The following KANK1 variants were observed in gnomAD, a reference collection of about 807,000 sequenced individuals.
The protein encoded by KANK1 is KN motif and ankyrin repeat domains 1.
KANK1 carries 109 observed loss-of-function variants against 106.2 expected under a neutral mutation model. The observed-to-expected ratio is 1.03, with a 90% CI of 0.88 to 1.20. KANK1 has a LOEUF of 1.20. KANK1 is among the 50% of genes most tolerant of loss of function. The pLI is 0.00. For missense variants in KANK1, 2,399 were observed against 1,710.7 expected (o/e 1.40, Z -7.10); for synonymous variants, 873 against 652.2 (o/e 1.34, Z -5.16).
rs1554723182 is a variant in KANK1 at position 504,772 on chromosome 9, G to GCCGCGCCGCGCC, written c.-84+21_-84+22insCGCCGCGCCCCG. On this transcript the variant is annotated intron_variant, in intron 1 of 11. Transcript: ENST00000382297. The stretch of plus-strand genomic sequence containing the variant: ...GGCCGAAGGTGAGTGACGCGGCGGG[G>GCCGCGCCGCGCC]CCGTGCCGCGCCCCGTGCCGCGGCG... 5.4e-5 allele frequency: 8 copies of GCCGCGCCGCGCC among 148,290 alleles called. No homozygotes were observed. Among genetic ancestry groups the GCCGCGCCGCGCC allele is most frequent in the African/African-American group, 1.7e-4 (7 of 40,228 alleles). The allele number at this position is 148,290 out of a possible 1,614,324, so 9.2% of individuals were successfully genotyped here.
chr9:535,277 T>C (rs1235804059), intron 1 of KANK1, among the ~76,000 whole-genome samples: 1 of 152,188 alleles, frequency 6.6e-6, no homozygotes, highest in Non-Finnish European at 1.5e-5. Context: ...TGTATGTGGC[T>C]TCTTGAGGAT....
chr9:584,902 C>A (rs1823069957), intron 1 of KANK1, among the ~76,000 whole-genome samples: 1 of 152,200 alleles, frequency 6.6e-6, no homozygotes. Flanking sequence ...GAAGTCTCTG[C>A]TTGTTTCCGT....
intron 1 of KANK1, among the ~76,000 whole-genome samples, chr9:535,268 G>A (rs2060244568): frequency 1.3e-5 from 2 of 152,106 alleles, no homozygotes; most frequent in Non-Finnish European, 2.9e-5. Context: ...TGCCTTTGAT[G>A]TATGTGGCTT....
chr9:595,008 C>T (rs189763745), intron 1 of KANK1, among the ~76,000 whole-genome samples: 34 of 151,798 alleles, frequency 2.2e-4, no homozygotes, highest in Admixed American at 7.2e-4. Context: ...TTATTCAGAA[C>T]GCAGATTCGA....
At chr9:733,492 G>T (rs1156888142) in intron 6 of KANK1, 1 of 152,102 alleles carries the variant, frequency 6.6e-6, no homozygotes, top group East Asian at 1.9e-4. Context: ...ACCAAATGTG[G>T]GTTCAGATGT....
chr9:732,291 C>CA, intron 5 of KANK1, 87 bp from the exon 6 acceptor site: 2 of 1,470,836 alleles, frequency 1.4e-6, no homozygotes, highest in Non-Finnish European at 1.8e-6. Flanking sequence ...TTTCTGGAGT[C>CA]AATTAGCAAA....
intron 1 of KANK1, among the ~76,000 whole-genome samples, chr9:633,810 A>C (rs1836405986): frequency 6.6e-6 from 1 of 152,050 alleles, no homozygotes; most frequent in Admixed American, 6.5e-5. Context: ...ATGCCACCAC[A>C]CCTGGCTAAG....
At chr9:577,654 A>G (rs991871257) in intron 1 of KANK1, among the ~76,000 whole-genome samples, 10 of 152,160 alleles carry the variant, frequency 6.6e-5, no homozygotes, top group African/African-American at 2.2e-4. Flanking sequence ...CTTGACCAGA[A>G]ACAGCATCAC....
intron 1 of KANK1, among the ~76,000 whole-genome samples, chr9:582,516 C>T (rs541619711): frequency 6.6e-6 from 1 of 152,300 alleles, no homozygotes; most frequent in East Asian, 1.9e-4. Context: ...CCTCAGAATC[C>T]TCAGTGGCTA....
intron 3 of KANK1, among the ~76,000 whole-genome samples, chr9:482,755 C>T (rs902764032): frequency 9.9e-5 from 15 of 152,228 alleles, no homozygotes; most frequent in African/African-American, 2.7e-4. Context: ...AAACAATACA[C>T]GCATTTGATG....
At chr9:525,996 T>C (rs2059774207) in intron 1 of KANK1, among the ~76,000 whole-genome samples, 1 of 151,868 alleles carries the variant, frequency 6.6e-6, no homozygotes, top group African/African-American at 2.4e-5. Context: ...ATTAGTTGTT[T>C]CTTATTCAGG....
intron 1 of KANK1, among the ~76,000 whole-genome samples, chr9:585,200 C>A (rs928748718): frequency 4.6e-5 from 7 of 152,170 alleles, no homozygotes; most frequent in South Asian, 2.1e-4. Flanking sequence ...TTTCATTTAC[C>A]CCTGGAGCTT....
intron 3 of KANK1, among the ~76,000 whole-genome samples, chr9:715,016 T>A (rs563901998): frequency 3.3e-5 from 5 of 152,352 alleles, no homozygotes; most frequent in African/African-American, 1.2e-4. Flanking sequence ...TTTCTATTAG[T>A]GTCTGATGGG....
In KANK1 at chr9:712,349, G is replaced by C. The variant is rs1034961024; in HGVS notation, c.1583G>C (p.Gly528Ala). 1.2e-6 allele frequency: 2 copies of C among 1,614,224 alleles called. No individual in the cohort carries two copies. The highest frequency in any genetic ancestry group is 2.2e-5 in the South Asian group (2 of 91,086). Residue 528 changes from glycine to alanine, a missense_variant, in exon 3 of 12, where the codon GGC becomes GCC. Coordinates refer to ENST00000382297, the MANE Select transcript of KANK1 (RefSeq NM_015158.5). ...AVVQTRDQMV[G>A]SHMDLVDTCV... ...GTGCAGACCAGAGACCAAATGGTCGGCAGTCACATGGACCTGGTGGACACG... is the reference window on the plus strand; with the variant it reads ...GTGCAGACCAGAGACCAAATGGTCGCCAGTCACATGGACCTGGTGGACACG...
At chr9:624,030 G>C (rs1390926457) in intron 1 of KANK1, among the ~76,000 whole-genome samples, 2 of 152,132 alleles carry the variant, frequency 1.3e-5, no homozygotes, top group Non-Finnish European at 2.9e-5. Context: ...ATATATACAG[G>C]ATAGAATAAT....
At chr9:654,799 T>TTG (rs201947509) in intron 1 of KANK1, among the ~76,000 whole-genome samples, 40 of 134,236 alleles carry the variant, frequency 3.0e-4, no homozygotes, top group Middle Eastern at 7.6e-3. Context: ...CAATATGCAT[T>TTG]TGTGTGTGTG....
chr9:743,540 G>A (rs1467370543), intron 10 of KANK1, among the ~76,000 whole-genome samples: 2 of 152,188 alleles, frequency 1.3e-5, no homozygotes, highest in Non-Finnish European at 2.9e-5. Flanking sequence ...GTGTCCTGCT[G>A]CTGCTGCTGA....
intron 1 of KANK1, among the ~76,000 whole-genome samples, chr9:651,108 G>T (rs993922527): frequency 4.6e-5 from 7 of 152,070 alleles, no homozygotes; most frequent in Non-Finnish European, 1.5e-5. Flanking sequence ...ATTTGGAATC[G>T]GGACAGTTTT....
In KANK1 at chr9:676,943, T is replaced by C; in HGVS notation, c.-30T>C. The C allele has an allele frequency of 2.5e-6, 4 of 1,609,548 alleles. No individual in the cohort carries two copies. Among genetic ancestry groups the C allele is most frequent in the Non-Finnish European group, 3.4e-6 (4 of 1,176,664 alleles). On this transcript the variant is annotated 5_prime_UTR_variant, in exon 2 of 12. Coordinates refer to ENST00000382297, the MANE Select transcript of KANK1 (RefSeq NM_015158.5). ...AAAATTTGCATGACTCCTCACTCCT[T>C]TCTGGATCTCTCATTGGACTCAAGC...
Sources: gnomAD v4.1 joint callset for allele counts (sites outside exome capture counted in the v4.1 genomes callset) on GRCh38, gnomAD v4.1.1 for gene constraint, MANE v1.5 for transcripts, NCBI Gene and HGNC (gene_info 2026-07-23, HGNC 2026-07-21) for gene names.